The following SEMA6D variants were observed in gnomAD, a reference collection of about 807,000 sequenced individuals.
SEMA6D encodes the protein semaphorin-6D.
A neutral mutation model predicts 106.6 loss-of-function variants in SEMA6D; 35 were observed. The observed-to-expected ratio is 0.33, with a 90% CI of 0.25 to 0.44. The LOEUF (loss-of-function observed/expected upper bound fraction) is 0.44, where lower values mean the gene tolerates loss of function less well. Ranked by LOEUF, SEMA6D falls within the 20% of genes least tolerant of loss-of-function variation. The pLI is 1.00. For missense variants in SEMA6D, 1,185 were observed against 1,345.9 expected, an observed-to-expected ratio of 0.88 and a Z score of 1.87; for synonymous variants, 499 against 487.7, an observed-to-expected ratio of 1.02 and a Z score of -0.31.
chr15:47,458,744 C>T (rs980691010), intron 2 of SEMA6D, among the ~76,000 whole-genome samples: 2 of 151,836 alleles, frequency 1.3e-5, no homozygotes, highest in African/African-American at 4.8e-5. Context: ...TACTAAACAC[C>T]TTTTTTTAGG....
At chr15:47,471,253 G>A (rs1454712903) in intron 3 of SEMA6D, among the ~76,000 whole-genome samples, 2 of 152,104 alleles carry the variant, frequency 1.3e-5, no homozygotes, top group Non-Finnish European at 1.5e-5. Flanking sequence ...CTGACGCACT[G>A]TCCTAGTCAT....
At chr15:47,373,100 C>G (rs904935942) in intron 1 of SEMA6D, among the ~76,000 whole-genome samples, 1 of 152,182 alleles carries the variant, frequency 6.6e-6, no homozygotes, top group Non-Finnish European at 1.5e-5. Flanking sequence ...TGTGAAGCAC[C>G]TGCTTCTTGC....
chr15:47,746,336 G>C (rs944846273), intron 1 of SEMA6D, among the ~76,000 whole-genome samples: 2 of 152,194 alleles, frequency 1.3e-5, no homozygotes, highest in African/African-American at 4.8e-5. Context: ...TGGCAGTGAT[G>C]CTAACATAGA....
At chr15:47,381,380 T>A (rs2039636704) in intron 1 of SEMA6D, among the ~76,000 whole-genome samples, 1 of 152,198 alleles carries the variant, frequency 6.6e-6, no homozygotes, top group Non-Finnish European at 1.5e-5. Context: ...ATTGCACAGT[T>A]ACCACGAATG....
At chr15:47,524,428 C>T (rs2044687108) in intron 3 of SEMA6D, among the ~76,000 whole-genome samples, 2 of 152,070 alleles carry the variant, frequency 1.3e-5, no homozygotes, top group South Asian at 4.1e-4. Context: ...GATTACCTTG[C>T]TAATAATTTG....
intron 1 of SEMA6D, among the ~76,000 whole-genome samples, chr15:47,753,501 A>G (rs534325371): frequency 1.3e-5 from 2 of 152,352 alleles, no homozygotes; most frequent in Admixed American, 1.3e-4. Flanking sequence ...ATAAAGAGGT[A>G]TGTCAAGATC....
intron 1 of SEMA6D, among the ~76,000 whole-genome samples, chr15:47,343,967 A>G (rs537617322): frequency 2.6e-5 from 4 of 152,328 alleles, no homozygotes; most frequent in East Asian, 3.9e-4. Context: ...TGCAGCTGAA[A>G]AACACATGAA....
In SEMA6D at chr15:47,730,951, G is replaced by C. The variant is rs73394834; in HGVS notation, c.-55+13259G>C. The C allele has an allele frequency of 8.0e-3, 5,558 of 698,928 alleles. 244 individuals carry two copies. In the African/African-American group the frequency reaches 0.09, roughly 11 times the overall value. The allele number at this position is 698,928 out of a possible 1,614,324, so 43.3% of individuals were successfully genotyped here. On this transcript the variant is annotated intron_variant, in intron 1 of 18. Coordinates refer to ENST00000536845, the MANE Select transcript of SEMA6D (RefSeq NM_001358351.3). ...CTTTCAGCATCTTGGGCAGCGGGAG[G>C]AGAGAGCAATCTTCCTATTTTAATT... is the stretch of plus-strand genomic sequence containing the variant.
At chr15:47,601,716 T>C (rs1001480529) in intron 4 of SEMA6D, among the ~76,000 whole-genome samples, 17 of 152,192 alleles carry the variant, frequency 1.1e-4, no homozygotes, top group African/African-American at 3.6e-4. Context: ...GGGCTTCCAA[T>C]TGAAAATTTT....
chr15:47,618,879 A>C (rs1216583313), intron 4 of SEMA6D, among the ~76,000 whole-genome samples: 1 of 152,178 alleles, frequency 6.6e-6, no homozygotes, highest in Non-Finnish European at 1.5e-5. Flanking sequence ...CAGAGAGATG[A>C]TATGTGTGAT....
intron 1 of SEMA6D, among the ~76,000 whole-genome samples, chr15:47,202,483 A>T (rs1298586002): frequency 6.6e-6 from 1 of 152,066 alleles, no homozygotes; most frequent in African/African-American, 2.4e-5. Context: ...CACACTGTAC[A>T]TGCTCACCTC....
chr15:47,580,703 G>A (rs762858949), intron 3 of SEMA6D, among the ~76,000 whole-genome samples: 12 of 152,154 alleles, frequency 7.9e-5, no homozygotes, highest in Non-Finnish European at 1.6e-4. Context: ...TGGGAATATG[G>A]CAATGAGTAA....
At position 47,217,559 on chromosome 15, in the gene SEMA6D, G is replaced by A. The variant is rs1184648284; in HGVS notation, c.-239+33141G>A. On this transcript the variant is annotated intron_variant, in intron 1 of 19. Transcript: ENST00000558014. ...GTATTAAGTGAAATACAAACCACGCGTGCACGGGTGTGTGTGTGTGTGTGT... is the reference window on the plus strand; with the variant it reads ...GTATTAAGTGAAATACAAACCACGCATGCACGGGTGTGTGTGTGTGTGTGT... 4.7e-5 allele frequency among the ~76,000 whole-genome samples: 6 copies of A among 127,638 alleles called. No individual in the cohort carries two copies. In the East Asian group the frequency reaches 8.5e-4, roughly 18 times the overall value. The allele number at this position is 127,638 out of a possible 152,430, so 83.7% of individuals were successfully genotyped here.
At chr15:47,185,861 G>T (rs1893529729) in intron 1 of SEMA6D, 1 of 152,102 alleles carries the variant, frequency 6.6e-6, no homozygotes, top group Non-Finnish European at 1.5e-5. Context: ...CACTACAAAG[G>T]AGGATGCATT....
chr15:47,593,405 CAAAAAAAAAAAA>C (rs35561269), intron 3 of SEMA6D, among the ~76,000 whole-genome samples: 11 of 59,930 alleles, frequency 1.8e-4, no homozygotes, highest in African/African-American at 6.6e-4. Context: ...AACTCCGTCT[CAAAAAAAAAAAA>C]AAAAAAAAAA....
chr15:47,253,833 G>C (rs1308038709), intron 1 of SEMA6D, among the ~76,000 whole-genome samples: 1 of 152,076 alleles, frequency 6.6e-6, no homozygotes, highest in Non-Finnish European at 1.5e-5. Flanking sequence ...TTGGCTATCC[G>C]AGGTCTTTTG....
intron 3 of SEMA6D, among the ~76,000 whole-genome samples, chr15:47,564,701 T>G (rs979279773): frequency 5.3e-5 from 8 of 152,156 alleles, no homozygotes; most frequent in Non-Finnish European, 8.8e-5. Context: ...ACCCTTAAGC[T>G]GAAAAGCCTG....
At chr15:47,339,049 C>G (rs1372837665) in intron 1 of SEMA6D, 2 of 152,080 alleles carry the variant, frequency 1.3e-5, no homozygotes, top group Non-Finnish European at 2.9e-5. Flanking sequence ...TGTAATGCAG[C>G]CTTCATAAAA....
chr15:47,310,175 GGTAA>G (rs2036393586), intron 1 of SEMA6D, among the ~76,000 whole-genome samples: 1 of 152,134 alleles, frequency 6.6e-6, no homozygotes, highest in African/African-American at 2.4e-5. Context: ...TTTTTCATGT[GGTAA>G]GTGTTTACTC....
Sources: allele counts gnomAD v4.1 joint callset (sites outside exome capture counted in the v4.1 genomes callset), GRCh38; gene constraint gnomAD v4.1.1; transcripts MANE v1.5; gene names NCBI Gene and HGNC (gene_info 2026-07-23, HGNC 2026-07-21).